The following AFF1 variants were observed in gnomAD, a reference collection of about 807,000 sequenced individuals.
The protein encoded by AFF1 is AF4/FMR2 family member 1.
AFF1 carries 48 observed loss-of-function variants against 121.7 expected under a neutral mutation model. The ratio of observed to expected loss-of-function variants is 0.39; its 90% CI spans 0.31 to 0.50. The LOEUF is 0.50. Among genes scored for constraint, AFF1 ranks in the 20% least tolerant of loss-of-function variants. AFF1 has a pLI of 0.76. For missense variants in AFF1, 1,523 were observed against 1,511.7 expected, an observed-to-expected ratio of 1.01 and a Z score of -0.12; for synonymous variants, 613 against 563.0, an observed-to-expected ratio of 1.09 and a Z score of -1.26.
chr4:87,084,163 A>G lies in AFF1; in HGVS notation c.1103A>G (p.Lys368Arg). ...GTCCATTGTGTTGAAGAGATTCTGA[A>G]GGTGAGTTCACTGTTAATCTTTCTC... ...NEVHCVEEILKEMTHSWPPPL... is the reference protein window; with the variant it reads ...NEVHCVEEILREMTHSWPPPL... The change falls in exon 5 of 21, where the codon AAG becomes AGG. Residue 368 changes from lysine to arginine, a missense_variant and splice_region_variant. Lys to Arg is a conservative substitution (Grantham distance 26, BLOSUM62 2). Transcript: ENST00000395146. 1.2e-6 allele frequency: 2 copies of G among 1,613,662 alleles called. No individual in the cohort carries two copies. The highest frequency in any genetic ancestry group is 1.7e-6 in the Non-Finnish European group (2 of 1,179,626).
At chr4:86,998,098 CAAAAAAAAAAAAAAAA>C (rs56741955) in intron 2 of AFF1, among the ~76,000 whole-genome samples, 4 of 91,754 alleles carry the variant, frequency 4.4e-5, no homozygotes, top group African/African-American at 8.7e-5. Context: ...AACTCCGTCT[CAAAAAAAAAAAAAAAA>C]AAAAAAAAAA....
In AFF1 at chr4:87,138,813, T is replaced by C. The variant is rs1433797162; in HGVS notation, c.*3112T>C. 4.4e-6 allele frequency: 1 copy of C among 229,058 alleles called. No homozygotes were observed. Among genetic ancestry groups the C allele is most frequent in the Non-Finnish European group, 8.7e-6 (1 of 115,598 alleles). 14.2% of individuals were successfully genotyped at this position (229,058 alleles called of 1,614,324 possible). On this transcript the variant is annotated 3_prime_UTR_variant, in exon 21 of 21. Transcript: ENST00000395146. ...AATACTGAATGGGAAAAGTATCTAA[T>C]ATTTTGTAACAAAAAGACCTTCATA... is the stretch of plus-strand genomic sequence containing the variant.
chr4:87,007,189 C>T (rs1306030756), intron 2 of AFF1: 40 of 1,384,832 alleles, frequency 2.9e-5, no homozygotes, highest in Admixed American at 1.4e-4. Flanking sequence ...CCCCAGTGCC[C>T]GGATGTCCAT....
At chr4:86,994,898 G>C (rs1248539696) in intron 2 of AFF1, among the ~76,000 whole-genome samples, 1 of 152,120 alleles carries the variant, frequency 6.6e-6, no homozygotes, top group African/African-American at 2.4e-5. Context: ...GGATGATAAG[G>C]CTACTGAAGT....
At chr4:86,961,631 G>A (rs1158370808) in intron 2 of AFF1, among the ~76,000 whole-genome samples, 1 of 151,136 alleles carries the variant, frequency 6.6e-6, no homozygotes, top group Non-Finnish European at 1.5e-5. Context: ...TGAGTCATAT[G>A]GCAGGAAAAA....
chr4:87,125,179 T>C, intron 13 of AFF1, 36 bp downstream of exon 13: 2 of 1,505,508 alleles, frequency 1.3e-6, no homozygotes, highest in Non-Finnish European at 1.8e-6. Context: ...TAATCTACGG[T>C]GATCAACACT....
At chr4:87,096,577 T>C (rs574999783) in intron 8 of AFF1, among the ~76,000 whole-genome samples, 95 of 151,892 alleles carry the variant, frequency 6.3e-4, no homozygotes, top group African/African-American at 2.2e-3. Context: ...GGTTGCTTTG[T>C]TGCCTAGGTT....
chr4:87,007,568 G>A, intron 2 of AFF1: 1 of 1,141,192 alleles, frequency 8.8e-7, no homozygotes, highest in South Asian at 1.4e-5. Context: ...GCTGTGGCTT[G>A]ACTAAATGTC....
chr4:87,019,889 G>GGT (rs1553918037), intron 2 of AFF1, among the ~76,000 whole-genome samples: 149 of 132,994 alleles, frequency 1.1e-3, no homozygotes, highest in African/African-American at 3.4e-3. Context: ...GGGGTCGGGG[G>GGT]GGGGCAGTCT....
At chr4:86,994,437 T>G (rs563117938) in intron 2 of AFF1, among the ~76,000 whole-genome samples, 1 of 152,238 alleles carries the variant, frequency 6.6e-6, no homozygotes, top group Non-Finnish European at 1.5e-5. Flanking sequence ...GTCCACTGAT[T>G]GTGTAATGAG....
At chr4:87,051,551 C>T (rs1731260089) in intron 4 of AFF1, among the ~76,000 whole-genome samples, 1 of 152,050 alleles carries the variant, frequency 6.6e-6, no homozygotes, top group Admixed American at 6.6e-5. Flanking sequence ...ACCTCCACCT[C>T]CCGGGTTCAA....
chr4:87,057,498 A>G (rs907373727), intron 4 of AFF1, among the ~76,000 whole-genome samples: 2 of 152,176 alleles, frequency 1.3e-5, no homozygotes, highest in African/African-American at 4.8e-5. Flanking sequence ...TAATCTTTGA[A>G]TTACTTAAGA....
At chr4:86,958,208 C>A (rs13109968) in intron 2 of AFF1, among the ~76,000 whole-genome samples, 20,045 of 151,132 alleles carry the variant, frequency 0.13, 1,798 homozygotes, top group Non-Finnish European at 0.19. Flanking sequence ...ATTCTTCTGC[C>A]TCAGCCTCCC....
chr4:86,955,031 T>C (rs1445687843), intron 2 of AFF1, among the ~76,000 whole-genome samples: 1 of 152,240 alleles, frequency 6.6e-6, no homozygotes, highest in Non-Finnish European at 1.5e-5. Context: ...GATAATGTAA[T>C]TATCCTTTTT....
intron 2 of AFF1, chr4:86,950,257 C>T (rs1721213073): frequency 1.8e-5 from 14 of 776,268 alleles, no homozygotes; most frequent in Non-Finnish European, 2.4e-5. Flanking sequence ...TGGCTCACTG[C>T]AACCTCTGCC....
chr4:86,978,364 A>T (rs1385311078), intron 2 of AFF1, among the ~76,000 whole-genome samples: 2 of 150,866 alleles, frequency 1.3e-5, no homozygotes, highest in Non-Finnish European at 3.0e-5. Flanking sequence ...TTGTATTTTT[A>T]GTAGAGACGG....
In AFF1 at chr4:87,046,881, A is replaced by G. The variant is rs368326855; in HGVS notation, c.346A>G (p.Thr116Ala). 6.2e-6 allele frequency: 10 copies of G among 1,614,064 alleles called. No homozygotes were observed. Among genetic ancestry groups the G allele is most frequent in the African/African-American group, 1.3e-5 (1 of 74,912 alleles). ...CAGCATTCCATCCAGCTCCTTCCAC[A>G]CTAGTGTCCACCACCAGTCCATTCA... The part of the protein sequence containing the change: ...GSSIPSSSFH[T>A]SVHHQSIHTP... Residue 116 changes from threonine to alanine, a missense_variant, in exon 4 of 21, where the codon ACT (threonine) becomes GCT (alanine). Physicochemically the swap from Thr to Ala is moderately conservative, Grantham distance 58. Transcript: ENST00000395146.
chr4:87,061,901 A>G lies in AFF1; in HGVS notation c.1059+14307A>G, dbSNP rs183469260. 8.4e-4 allele frequency among the ~76,000 whole-genome samples: 128 copies of G among 152,352 alleles called. 1 individual carries two copies. The highest frequency in any genetic ancestry group is 8.4e-3 in the Admixed American group (128 of 15,304). Reference sequence around the variant, plus strand: ...TTTGAAAGGAATTAGGTAAAGTAGAATAAACTTTGCTTTTTTTGACCCTCT... The same window carrying G: ...TTTGAAAGGAATTAGGTAAAGTAGAGTAAACTTTGCTTTTTTTGACCCTCT... On this transcript the variant is annotated intron_variant, in intron 4 of 20. Coordinates refer to ENST00000395146, the MANE Select transcript of AFF1 (RefSeq NM_001166693.3).
intron 4 of AFF1, among the ~76,000 whole-genome samples, chr4:87,049,444 T>C (rs1298841339): frequency 6.6e-6 from 1 of 152,198 alleles, no homozygotes; most frequent in Non-Finnish European, 1.5e-5. Flanking sequence ...ATAAGTAGGC[T>C]GAGTTGAGAT....
Sources: allele counts gnomAD v4.1 joint callset (sites outside exome capture counted in the v4.1 genomes callset), GRCh38; gene constraint gnomAD v4.1.1; transcripts MANE v1.5; gene names NCBI Gene and HGNC (gene_info 2026-07-23, HGNC 2026-07-21).